KYAT3: variants seen among roughly 807,000 people sequenced by gnomAD.
KYAT3 encodes the protein kynurenine aminotransferase 3.
Under a neutral mutation model 59.0 loss-of-function variants are expected in KYAT3, and 50 were observed. The ratio of observed to expected loss-of-function variants is 0.85; its 90% CI spans 0.68 to 1.07. The LOEUF is 1.07. Among genes scored for constraint, KYAT3 ranks in the 50% least tolerant of loss-of-function variants. The pLI is 0.00. For missense variants in KYAT3, 497 were observed against 533.3 expected (o/e 0.93, Z 0.67); for synonymous variants, 148 against 177.0 (o/e 0.84, Z 1.30).
chr1:88,980,212 G>C (rs1017111453), intron 2 of KYAT3: 12 of 152,516 alleles, frequency 7.9e-5, no homozygotes, highest in Admixed American at 2.6e-4. Context: ...GAAGTGTTCT[G>C]CATGTTGATG....
chr1:88,992,606 C>G lies in KYAT3; in HGVS notation c.-23G>C, dbSNP rs895586208. The G allele has an allele frequency of 2.0e-5, 3 of 152,806 alleles. No individual in the cohort carries two copies. The highest frequency in any genetic ancestry group is 7.2e-5 in the African/African-American group (3 of 41,476). The allele number at this position is 152,806 out of a possible 1,614,324, so 9.5% of individuals were successfully genotyped here. On this transcript the variant is annotated 5_prime_UTR_variant, in exon 1 of 14. Transcript: ENST00000260508. ...TCACCTATCCGGTGCGGGAACCTCG[C>G]CTCCCTAGGCTCGAGTCCCGACTGG...
chr1:88,971,133 A>G (rs1398410886), intron 2 of KYAT3, among the ~76,000 whole-genome samples: 1 of 152,202 alleles, frequency 6.6e-6, no homozygotes, highest in African/African-American at 2.4e-5. Flanking sequence ...CAATGTTTAA[A>G]GCTTAATTCA....
chr1:88,931,731 G>A (rs531284145), downstream of KYAT3, among the ~76,000 whole-genome samples: 3 of 145,916 alleles, frequency 2.1e-5, no homozygotes, highest in Admixed American at 6.7e-5. Context: ...AAAACAGGAC[G>A]TAAAGAAATA....
rs1290962437 is a variant in KYAT3, at chr1:88,949,101, C to T, written c.1131G>A (p.Val377=). The T allele has an allele frequency of 1.3e-6, 2 of 1,578,738 alleles. No individual in the cohort carries two copies. The highest frequency in any genetic ancestry group is 2.0e-5 in the Admixed American group (1 of 50,470). Residue 377 remains valine (V), a synonymous_variant, in exon 11 of 14, where the codon GTG becomes GTA. Transcript: ENST00000260508. ...AAAGCCTTTACAAACCTAGCAAAGACACATCAGCGATGATGAAGTATCCTC... is the reference window on the plus strand; with the variant it reads ...AAAGCCTTTACAAACCTAGCAAAGATACATCAGCGATGATGAAGTATCCTC... ...PDGGYFIIAD[V]SLLDPDLSDM... is the part of the protein sequence containing the mutation.
chr1:88,983,610 A>C lies in KYAT3; in HGVS notation c.99+4642T>G, dbSNP rs776615049. On this transcript the variant is annotated intron_variant, in intron 2 of 13. Coordinates refer to ENST00000260508, the MANE Select transcript of KYAT3 (RefSeq NM_001008661.3). ...ACCTTGATGGCTTTTCCATCTAATG[A>C]CTTTCCATTCATGTCTCTGGCTGCA... The C allele has an allele frequency of 5.9e-5, 96 of 1,613,986 alleles. No homozygotes were observed. The highest frequency in any genetic ancestry group is 6.9e-5 in the Non-Finnish European group (82 of 1,180,048).
Position 88,978,814 on chromosome 1 carries a change from ATT to A in KYAT3, c.100-9349_100-9348del, listed in dbSNP as rs34692926. Among the ~76,000 whole-genome samples the A allele has an allele frequency of 5.5e-5, 8 of 146,214 alleles. No homozygotes were observed. In the South Asian group the frequency reaches 6.5e-4, roughly 12 times the overall value. On this transcript the variant is annotated intron_variant, in intron 2 of 13. Transcript: ENST00000260508. ...GTGTGAGCCTCCATGCCCGGCCTTA[ATT>A]TTTTTTTTTTTCAAACATTCATTTG...
At chr1:88,985,816 CTT>C (rs1358131249) in intron 2 of KYAT3, among the ~76,000 whole-genome samples, 4 of 152,150 alleles carry the variant, frequency 2.6e-5, no homozygotes, top group Non-Finnish European at 5.9e-5. Context: ...GGATGAGTAA[CTT>C]TGCACTAAAG....
In KYAT3 at chr1:88,974,086, G is replaced by A. The variant is rs148521128; in HGVS notation, c.100-4619C>T. On this transcript the variant is annotated intron_variant, in intron 2 of 13. Coordinates refer to ENST00000260508, the MANE Select transcript of KYAT3 (RefSeq NM_001008661.3). ...AAAGGCCAGAAATAGGAAATGCAAA[G>A]CTCATGGATGGAGAGGTGAAAACAG... Among the ~76,000 whole-genome samples the A allele has an allele frequency of 1.8e-4, 28 of 152,276 alleles. No homozygotes were observed. In the East Asian group the frequency reaches 5.2e-3, roughly 28 times the overall value.
chr1:88,945,917 T>TA (rs1259716025), intron 11 of KYAT3, among the ~76,000 whole-genome samples: 1 of 152,220 alleles, frequency 6.6e-6, no homozygotes, highest in Non-Finnish European at 1.5e-5. Context: ...TTGTTTTCAT[T>TA]ATCAGAAAAG....
chr1:88,986,277 C>T (rs1297729663), intron 2 of KYAT3, among the ~76,000 whole-genome samples: 6 of 150,262 alleles, frequency 4.0e-5, no homozygotes, highest in Non-Finnish European at 7.4e-5. Context: ...GTTGCTTTTG[C>T]GCTTCTCTGG....
In KYAT3 at chr1:88,943,241, T is replaced by C. The variant is rs935565075; in HGVS notation, c.1215+109A>G. ...ATGCTTTTAAAAGCCACAAGTGGAG[T>C]ATCATATAACAACATTACATTTGAT... is the stretch of plus-strand genomic sequence containing the variant. On this transcript the variant is annotated intron_variant, in intron 12 of 13. Transcript: ENST00000260508. 16 of 968,210 alleles carry C rather than the reference T, an allele frequency of 1.7e-5. No homozygotes were observed. In the African/African-American group the frequency reaches 2.5e-4, roughly 15 times the overall value. The allele number at this position is 968,210 out of a possible 1,614,324, so 60.0% of individuals were successfully genotyped here. A position where few individuals can be genotyped will look rare whatever the true frequency, so the allele number is the denominator to read the frequency against.
At chr1:88,975,497 C>T (rs1285279577) in intron 2 of KYAT3, among the ~76,000 whole-genome samples, 1 of 152,186 alleles carries the variant, frequency 6.6e-6, no homozygotes, top group Non-Finnish European at 1.5e-5. Context: ...ATGGTCTCTG[C>T]TCTTTTCCCC....
At chr1:88,988,988 C>T (rs951588731) in intron 1 of KYAT3, among the ~76,000 whole-genome samples, 12 of 152,070 alleles carry the variant, frequency 7.9e-5, no homozygotes, top group African/African-American at 1.4e-4. Flanking sequence ...AATTGATATC[C>T]GTCATGGGTA....
At chr1:88,936,541 T>C (rs1675044020) in intron 13 of KYAT3, among the ~76,000 whole-genome samples, 1 of 152,176 alleles carries the variant, frequency 6.6e-6, no homozygotes, top group Non-Finnish European at 1.5e-5. Context: ...CAAGATAACC[T>C]TTTATGGCAA....
At chr1:88,935,573 A>G (rs1329781754), downstream of KYAT3, among the ~76,000 whole-genome samples, 1 of 152,172 alleles carries the variant, frequency 6.6e-6, no homozygotes, top group African/African-American at 2.4e-5. Context: ...ATGTCAAAGT[A>G]TGGAAAGCCT....
At chr1:88,929,904 C>G in the KYAT3 span, among the ~76,000 whole-genome samples, 1 of 152,206 alleles carries the variant, frequency 6.6e-6, no homozygotes, top group African/African-American at 2.4e-5. Flanking sequence ...CCTTTATATA[C>G]ACTAATTAAG....
intron 13 of KYAT3, among the ~76,000 whole-genome samples, chr1:88,940,859 C>T (rs1202004778): frequency 6.6e-6 from 1 of 151,650 alleles, no homozygotes; most frequent in Non-Finnish European, 1.5e-5. Context: ...GCAGCGACTG[C>T]TCCTACTGTT....
chr1:88,978,896 C>G (rs1032277543), intron 2 of KYAT3, among the ~76,000 whole-genome samples: 1 of 151,880 alleles, frequency 6.6e-6, no homozygotes, highest in East Asian at 1.9e-4. Flanking sequence ...TTCACACAAT[C>G]CTCTTGCCTT....
chr1:88,928,009 G>T, the KYAT3 span, among the ~76,000 whole-genome samples: 1 of 151,790 alleles, frequency 6.6e-6, no homozygotes, highest in Non-Finnish European at 1.5e-5. Flanking sequence ...ACCTTCATTG[G>T]GACACAGAAT....
Sources: allele counts gnomAD v4.1 joint callset (sites outside exome capture counted in the v4.1 genomes callset), GRCh38; gene constraint gnomAD v4.1.1; transcripts MANE v1.5; gene names NCBI Gene and HGNC (gene_info 2026-07-23, HGNC 2026-07-21).